INPP4B: variants seen among roughly 807,000 people sequenced by gnomAD.
INPP4B encodes the protein inositol polyphosphate-4-phosphatase type II B.
In INPP4B, 55 loss-of-function variants were observed where a neutral mutation model predicts 122.5. That is an observed-to-expected ratio of 0.45 (90% confidence interval 0.36 to 0.56). The LOEUF (loss-of-function observed/expected upper bound fraction) is 0.56. Ranked by LOEUF, INPP4B falls within the 20% of genes least tolerant of loss-of-function variation. The pLI is 0.00. For missense variants in INPP4B, 1,000 were observed against 1,097.7 expected, an observed-to-expected ratio of 0.91 and a Z score of 1.26; for synonymous variants, 403 against 388.7, an observed-to-expected ratio of 1.04 and a Z score of -0.43.
intron 2 of INPP4B, among the ~76,000 whole-genome samples, chr4:142,579,364 G>A (rs949510473): frequency 2.6e-5 from 4 of 151,918 alleles, no homozygotes; most frequent in Admixed American, 6.6e-5. Context: ...AGACAAGTGT[G>A]CAAAGAAGGA....
chr4:142,195,224 T>C (rs1837643217), intron 14 of INPP4B, among the ~76,000 whole-genome samples: 2 of 152,148 alleles, frequency 1.3e-5, no homozygotes, highest in Non-Finnish European at 2.9e-5. Flanking sequence ...GCATGAGGTT[T>C]TCAAAATAGT....
intron 2 of INPP4B, among the ~76,000 whole-genome samples, chr4:142,559,405 A>G (rs889639248): frequency 4.6e-5 from 7 of 152,164 alleles, no homozygotes; most frequent in Non-Finnish European, 1.0e-4. Context: ...AGATTCATTA[A>G]AAAATGAAAC....
rs568992809 is a variant in INPP4B at position 142,571,040 on chromosome 4, A to G, written c.-190-108314T>C. ...CCTCATGAAATTACCCTTTCATGAG[A>G]CTATCCCAAAGAATTCCAGGAGTCC... On this transcript the variant is annotated intron_variant, in intron 2 of 25. Coordinates refer to ENST00000262992, the MANE Select transcript of INPP4B (RefSeq NM_001101669.3). 4.7e-5 allele frequency among the ~76,000 whole-genome samples: 7 copies of G among 149,742 alleles called. No individual in the cohort carries two copies. The East Asian group carries it at 1.2e-3, about 25-fold the overall frequency.
At chr4:142,430,043 G>T (rs1414496486) in intron 4 of INPP4B, among the ~76,000 whole-genome samples, 2 of 152,102 alleles carry the variant, frequency 1.3e-5, no homozygotes, top group African/African-American at 4.8e-5. Flanking sequence ...GGCAATAAAT[G>T]AAAGAGTATT....
At chr4:142,329,677 G>C (rs1220592860) in intron 7 of INPP4B, among the ~76,000 whole-genome samples, 1 of 152,012 alleles carries the variant, frequency 6.6e-6, no homozygotes, top group Non-Finnish European at 1.5e-5. Context: ...ATAATTACTG[G>C]GTAGCCTTGA....
intron 24 of INPP4B, 141 bp downstream of exon 24, chr4:142,086,002 TA>T (rs1363098321): frequency 4.6e-6 from 3 of 652,226 alleles, no homozygotes; most frequent in Non-Finnish European, 8.2e-6. Context: ...CCAACAAGAG[TA>T]AAAATGCCTA....
intron 25 of INPP4B, among the ~76,000 whole-genome samples, chr4:142,033,668 AT>A (rs5862564): frequency 1.4e-3 from 185 of 129,450 alleles, no homozygotes; most frequent in South Asian, 4.5e-3. Context: ...TCTCCATTTC[AT>A]TTTTTTTTTT....
chr4:142,524,247 G>T, intron 2 of INPP4B, among the ~76,000 whole-genome samples: 1 of 152,134 alleles, frequency 6.6e-6, no homozygotes, highest in East Asian at 1.9e-4. Flanking sequence ...CTTCCACAAT[G>T]GTTGAACTAG....
At chr4:142,318,083 C>A (rs1235431630) in intron 7 of INPP4B, among the ~76,000 whole-genome samples, 1 of 152,144 alleles carries the variant, frequency 6.6e-6, no homozygotes, top group Non-Finnish European at 1.5e-5. Context: ...CTCTTCATGC[C>A]AGTTGCCTTT....
intron 2 of INPP4B, among the ~76,000 whole-genome samples, chr4:142,557,499 C>T (rs1729466602): frequency 1.3e-5 from 2 of 148,744 alleles, no homozygotes; most frequent in South Asian, 4.3e-4. Flanking sequence ...GCCAGAGAGG[C>T]CACCTGTCCA....
intron 2 of INPP4B, among the ~76,000 whole-genome samples, chr4:142,625,544 A>G (rs1349663411): frequency 1.3e-5 from 2 of 152,136 alleles, no homozygotes; most frequent in African/African-American, 4.8e-5. Flanking sequence ...TATCGTGAAA[A>G]TGGCCATACT....
At chr4:142,036,557 T>G (rs1212637784) in intron 25 of INPP4B, among the ~76,000 whole-genome samples, 1 of 152,210 alleles carries the variant, frequency 6.6e-6, no homozygotes, top group Non-Finnish European at 1.5e-5. Context: ...GGGGAATAAT[T>G]TATGCCAGAT....
Position 142,807,678 on chromosome 4 carries a change from A to G in INPP4B, c.-254+38531T>C, listed in dbSNP as rs997509170. Among the ~76,000 whole-genome samples the G allele has an allele frequency of 5.3e-5, 8 of 152,258 alleles. No homozygotes were observed. The East Asian group carries it at 1.4e-3, about 26-fold the overall frequency. ...TGAGAACGATGTTTCCTTAGGGTTCATCTTTGTGTCCTACTCAGCAACATG... is the reference window on the plus strand; with the variant it reads ...TGAGAACGATGTTTCCTTAGGGTTCGTCTTTGTGTCCTACTCAGCAACATG... On this transcript the variant is annotated intron_variant, in intron 1 of 25. Coordinates refer to ENST00000262992, the MANE Select transcript of INPP4B (RefSeq NM_001101669.3).
chr4:142,454,364 A>C (rs1192477374), intron 3 of INPP4B, among the ~76,000 whole-genome samples: 1 of 152,100 alleles, frequency 6.6e-6, no homozygotes, highest in Non-Finnish European at 1.5e-5. Flanking sequence ...TCATTTCTGC[A>C]TACCTCCCTA....
chr4:142,801,401 T>C (rs1266108277), intron 1 of INPP4B, among the ~76,000 whole-genome samples: 1 of 152,154 alleles, frequency 6.6e-6, no homozygotes, highest in Non-Finnish European at 1.5e-5. Flanking sequence ...CAATCCAATC[T>C]GACTGGAGTC....
chr4:142,142,024 G>A (rs1227704422), intron 18 of INPP4B, among the ~76,000 whole-genome samples: 1 of 151,882 alleles, frequency 6.6e-6, no homozygotes, highest in Admixed American at 6.6e-5. Context: ...CAAAAAACCA[G>A]AAGTAATACA....
chr4:142,563,398 A>G (rs1730886247), intron 2 of INPP4B, among the ~76,000 whole-genome samples: 1 of 152,168 alleles, frequency 6.6e-6, no homozygotes, highest in Admixed American at 6.6e-5. Context: ...GCAAATTGAA[A>G]AGGAATAAGG....
At chr4:142,411,913 A>G (rs1008326056) in intron 5 of INPP4B, among the ~76,000 whole-genome samples, 13 of 152,206 alleles carry the variant, frequency 8.5e-5, no homozygotes, top group African/African-American at 3.1e-4. Flanking sequence ...AAAAAAACCC[A>G]GAGCTTTAGG....
rs1383004408 is a variant in INPP4B, at chr4:142,311,937, G to A, written c.423+2775C>T. On this transcript the variant is annotated intron_variant, in intron 8 of 25. Coordinates refer to ENST00000262992, the MANE Select transcript of INPP4B (RefSeq NM_001101669.3). ...GATGGATAGAGTCTGGTTGCTTCAA[G>A]TCACTTTTGAGTAGCTGAAGCCCTG... Among the ~76,000 whole-genome samples the A allele has an allele frequency of 2.6e-5, 4 of 152,180 alleles. No homozygotes were observed. The East Asian group carries it at 5.8e-4, about 22-fold the overall frequency.
Sources: gnomAD v4.1 joint callset for allele counts (sites outside exome capture counted in the v4.1 genomes callset) on GRCh38, gnomAD v4.1.1 for gene constraint, MANE v1.5 for transcripts, NCBI Gene and HGNC (gene_info 2026-07-23, HGNC 2026-07-21) for gene names.